Variants in CWC27 observed in about 807,000 individuals in gnomAD.
CWC27 encodes CWC27 spliceosome associated cyclophilin.
CWC27 carries 47 observed loss-of-function variants against 63.6 expected under a neutral mutation model. The observed-to-expected ratio is 0.74, with a 90% CI of 0.58 to 0.94. CWC27 has a LOEUF of 0.94. Ranked by LOEUF, CWC27 falls within the 40% of genes least tolerant of loss-of-function variation. CWC27 has a pLI of 0.00. For missense variants in CWC27, 495 were observed against 554.3 expected (o/e 0.89, Z 1.07); for synonymous variants, 175 against 179.8 (o/e 0.97, Z 0.22).
chr5:64,878,279 C>T (rs576843692), intron 10 of CWC27, among the ~76,000 whole-genome samples: 119 of 151,626 alleles, frequency 7.8e-4, no homozygotes, highest in Non-Finnish European at 1.2e-3. Flanking sequence ...AAGAAAACAA[C>T]TCATCACTGG....
intron 10 of CWC27, among the ~76,000 whole-genome samples, chr5:64,848,814 T>A (rs1746055461): frequency 6.6e-6 from 1 of 152,054 alleles, no homozygotes. Context: ...GTCACCAAAT[T>A]AGGTATAGAA....
chr5:64,875,611 A>G (rs1394698458), intron 10 of CWC27, among the ~76,000 whole-genome samples: 1 of 152,148 alleles, frequency 6.6e-6, no homozygotes, highest in Non-Finnish European at 1.5e-5. Flanking sequence ...GACCAGAGTT[A>G]GGATATGGGA....
At chr5:64,866,387 A>C (rs1052357458) in intron 10 of CWC27, among the ~76,000 whole-genome samples, 1 of 152,130 alleles carries the variant, frequency 6.6e-6, no homozygotes, top group Non-Finnish European at 1.5e-5. Flanking sequence ...CCAGGAAAGT[A>C]CTAGGCTATA....
intron 11 of CWC27, among the ~76,000 whole-genome samples, chr5:64,957,183 CAG>C (rs879776443): frequency 1.3e-5 from 2 of 152,174 alleles, no homozygotes; most frequent in Admixed American, 6.6e-5. Flanking sequence ...GTTAGAAACA[CAG>C]ATATTCTGCA....
chr5:64,958,810 C>A (rs1299214906), intron 11 of CWC27, among the ~76,000 whole-genome samples: 1 of 152,008 alleles, frequency 6.6e-6, no homozygotes, highest in Non-Finnish European at 1.5e-5. Context: ...AGCAATGAAG[C>A]TAGGATAAAC....
chr5:64,786,405 C>A, intron 5 of CWC27, 119 bp from the exon 6 acceptor site: 1 of 544,282 alleles, frequency 1.8e-6, no homozygotes, highest in Non-Finnish European at 3.2e-6. Context: ...TATCACTATA[C>A]TAATAATGTT....
At chr5:64,821,027 AGACTTGTAT>A (rs1174344341) in intron 10 of CWC27, among the ~76,000 whole-genome samples, 4 of 152,126 alleles carry the variant, frequency 2.6e-5, no homozygotes, top group Non-Finnish European at 4.4e-5. Context: ...ATCTGATAAA[AGACTTGTAT>A]CCAGAATATA....
intron 11 of CWC27, among the ~76,000 whole-genome samples, 192 bp downstream of exon 11, chr5:64,885,738 T>TGTGTGTGTGTGTGTG (rs60595588): frequency 2.4e-4 from 34 of 141,468 alleles, no homozygotes; most frequent in South Asian, 6.4e-4. Context: ...TGTGTGTGTG[T>TGTGTGTGTGTGTGTG]TTTTAATACT....
chr5:64,977,362 C>A, intron 13 of CWC27, 124 bp downstream of exon 13: 2 of 584,750 alleles, frequency 3.4e-6, no homozygotes, highest in Non-Finnish European at 5.8e-6. Flanking sequence ...TATAGGACCT[C>A]GGCAACTTTT....
chr5:64,883,606 C>T (rs1353170338), intron 10 of CWC27, among the ~76,000 whole-genome samples: 1 of 152,088 alleles, frequency 6.6e-6, no homozygotes, highest in Non-Finnish European at 1.5e-5. Flanking sequence ...GAATAATTAA[C>T]ATCATTGAAT....
intron 11 of CWC27, among the ~76,000 whole-genome samples, chr5:64,942,479 C>G (rs1748504638): frequency 7.1e-6 from 1 of 141,808 alleles, no homozygotes; most frequent in African/African-American, 2.7e-5. Flanking sequence ...AAAAACATTG[C>G]AATAGATCTC....
intron 10 of CWC27, among the ~76,000 whole-genome samples, chr5:64,885,139 T>C (rs1236854730): frequency 6.6e-6 from 1 of 152,152 alleles, no homozygotes; most frequent in African/African-American, 2.4e-5. Context: ...TCTCCGTAAA[T>C]TATTAAACTG....
chr5:64,785,389 T>C, intron 4 of CWC27, 92 bp from the exon 5 acceptor site: 1 of 584,030 alleles, frequency 1.7e-6, no homozygotes, highest in Non-Finnish European at 2.8e-6. Context: ...AAATTTTCTT[T>C]TAATTATTTG....
chr5:64,848,820 T>C (rs1746055744), intron 10 of CWC27, among the ~76,000 whole-genome samples: 1 of 152,156 alleles, frequency 6.6e-6, no homozygotes, highest in Non-Finnish European at 1.5e-5. Context: ...AAATTAGGTA[T>C]AGAAGGAATG....
At chr5:64,933,858 AC>A (rs1334312988) in intron 11 of CWC27, among the ~76,000 whole-genome samples, 1 of 152,158 alleles carries the variant, frequency 6.6e-6, no homozygotes, top group Admixed American at 6.5e-5. Flanking sequence ...TACCCTAAAT[AC>A]CTATGTGTAT....
At chr5:64,976,090 A>T (rs1309207263) in intron 12 of CWC27, among the ~76,000 whole-genome samples, 1 of 152,186 alleles carries the variant, frequency 6.6e-6, no homozygotes, top group Non-Finnish European at 1.5e-5. Context: ...ATAAAAAATA[A>T]AAATAAAATT....
intron 11 of CWC27, among the ~76,000 whole-genome samples, chr5:64,909,320 G>A (rs1030854477): frequency 6.6e-6 from 1 of 152,090 alleles, no homozygotes; most frequent in Admixed American, 6.6e-5. Context: ...AGTCTGATGG[G>A]CTTCCCTTTG....
At position 64,932,492 on chromosome 5, in the gene CWC27, T is replaced by C. The variant is rs566960290; in HGVS notation, c.1043-39211T>C. 4.6e-5 allele frequency among the ~76,000 whole-genome samples: 7 copies of C among 152,252 alleles called. 1 individual carries two copies. In the South Asian group the frequency reaches 1.5e-3, roughly 32 times the overall value. On this transcript the variant is annotated intron_variant, in intron 11 of 13. Coordinates refer to ENST00000381070, the MANE Select transcript of CWC27 (RefSeq NM_005869.4). ...TTACATGGCACTGTTTAGAGGAACATGGTTTATAGAATCATAAGGCTGAAA... is the reference window on the plus strand; with the variant it reads ...TTACATGGCACTGTTTAGAGGAACACGGTTTATAGAATCATAAGGCTGAAA...
chr5:64,876,004 G>A (rs1746784228), intron 10 of CWC27, among the ~76,000 whole-genome samples: 1 of 152,124 alleles, frequency 6.6e-6, no homozygotes, highest in African/African-American at 2.4e-5. Context: ...TGAGTGAACT[G>A]AGGCTTACAT....
Sources: allele counts gnomAD v4.1 joint callset (sites outside exome capture counted in the v4.1 genomes callset), GRCh38; gene constraint gnomAD v4.1.1; transcripts MANE v1.5; gene names NCBI Gene and HGNC (gene_info 2026-07-23, HGNC 2026-07-21).